The following GREB1 variants were observed in gnomAD, a reference collection of about 807,000 sequenced individuals.
GREB1 encodes the protein protein GREB1.
Under a neutral mutation model 200.7 loss-of-function variants are expected in GREB1, and 106 were observed. The observed-to-expected ratio is 0.53, with a 90% confidence interval of 0.45 to 0.62. The LOEUF is 0.62. GREB1 is among the 20% of genes least tolerant of loss of function. The pLI, the probability that GREB1 is intolerant of heterozygous loss-of-function variation, is 0.00. For synonymous variants in GREB1, 1,132 were observed against 1,092.4 expected (o/e 1.04, Z -0.72); for missense variants, 2,243 against 2,556.8 (o/e 0.88, Z 2.65).
rs1041028460 is a variant in GREB1 at position 11,534,135 on chromosome 2, G to A, written c.-281G>A. On this transcript the variant is annotated 5_prime_UTR_variant, in exon 1 of 33. Transcript: ENST00000381486. ...TAAATGAAATAAAGTTTTTTCAATG[G>A]AAGGCTTGCAGCTCTTGAGGACCTG... 2.0e-5 allele frequency: 3 copies of A among 152,150 alleles called. No individual in the cohort carries two copies. The highest frequency in any genetic ancestry group is 7.2e-5 in the African/African-American group (3 of 41,418). The allele number at this position is 152,150 out of a possible 1,614,324, so 9.4% of individuals were successfully genotyped here.
In GREB1 at chr2:11,632,966, A is replaced by G. The variant is rs1685009760; in HGVS notation, c.4894A>G (p.Ile1632Val). The G allele has an allele frequency of 1.2e-6, 2 of 1,614,186 alleles. No homozygotes were observed. The highest frequency in any genetic ancestry group is 1.7e-6 in the Non-Finnish European group (2 of 1,180,028). The change falls in exon 28 of 33, where the codon ATC (isoleucine) becomes GTC (valine). Residue 1632 changes from isoleucine to valine, a missense_variant. By Grantham distance (29) the Ile-to-Val change is conservative. This residue lies in a region of GREB1 where 478 missense variants were observed against 616.3 expected (regional missense o/e 0.78). Coordinates refer to ENST00000381486, the MANE Select transcript of GREB1 (RefSeq NM_014668.4). The part of the protein sequence containing the change: ...LERNRQEELG[I>V]KPQDIWPFIV... ...GCGGAACCGGCAGGAGGAGCTGGGA[A>G]TCAAGCCGCAGGACATCTGGCCTTT...
At chr2:11,484,749 C>G (rs1672610792) in intron 1 of GREB1, among the ~76,000 whole-genome samples, 1 of 152,230 alleles carries the variant, frequency 6.6e-6, no homozygotes. Context: ...TGCCACTGCA[C>G]TTCACTGCAC....
At chr2:11,533,083 G>T (rs1416502209), upstream of GREB1, among the ~76,000 whole-genome samples, 1 of 152,212 alleles carries the variant, frequency 6.6e-6, no homozygotes, top group African/African-American at 2.4e-5. Context: ...TAATGGGAGA[G>T]AAATGCAAGA....
chr2:11,575,822 G>A (rs1339038854), intron 4 of GREB1, among the ~76,000 whole-genome samples: 1 of 152,192 alleles, frequency 6.6e-6, no homozygotes, highest in Non-Finnish European at 1.5e-5. Flanking sequence ...ATCATTTCAG[G>A]TGCCTGATCT....
At chr2:11,639,783 G>A (rs115631000) in intron 32 of GREB1, among the ~76,000 whole-genome samples, 2,020 of 152,288 alleles carry the variant, frequency 0.013, 40 homozygotes, top group African/African-American at 0.046. Context: ...TGGACACAAA[G>A]GTGGGGAGGG....
In GREB1 at chr2:11,629,361, A is replaced by C. The variant is rs1684706796; in HGVS notation, c.4450-587A>C. On this transcript the variant is annotated intron_variant, in intron 25 of 32. Coordinates refer to ENST00000381486, the MANE Select transcript of GREB1 (RefSeq NM_014668.4). The surrounding 1 kb of genome is among the most constrained non-coding windows in gnomAD (Gnocchi z 5.2). Reference sequence around the variant, plus strand: ...AAGTGGAGGCTGGAGGAGGTGACTAAGGGCGCAGCCAGACTTGGTGACTTG... The same window carrying C: ...AAGTGGAGGCTGGAGGAGGTGACTACGGGCGCAGCCAGACTTGGTGACTTG... 6.6e-6 allele frequency among the ~76,000 whole-genome samples: 1 copy of C among 152,134 alleles called. No individual in the cohort carries two copies. The highest frequency in any genetic ancestry group is 6.5e-5 in the Admixed American group (1 of 15,282).
At position 11,602,463 on chromosome 2, in the gene GREB1, T is replaced by A; in HGVS notation, c.2587T>A (p.Ser863Thr). ...CTTCGGGCTGTCGGAGTTTATTGAA[T>A]CCACCCTTTCAGGACACAGCCTCCC... ...KYFGLSEFIE[S>T]TLSGHSLPLL... Residue 863 changes from serine (S) to threonine (T), a missense_variant, in exon 17 of 33, where the codon TCC (serine) becomes ACC (threonine). Transcript: ENST00000381486. 1 of 1,613,008 alleles carries A rather than the reference T, an allele frequency of 6.2e-7. No homozygotes were observed. The highest frequency in any genetic ancestry group is 8.5e-7 in the Non-Finnish European group (1 of 1,178,938).
intron 1 of GREB1, among the ~76,000 whole-genome samples, chr2:11,527,325 A>G (rs925828344): frequency 6.6e-6 from 1 of 152,240 alleles, no homozygotes; most frequent in Non-Finnish European, 1.5e-5. Flanking sequence ...TTCTCATGGC[A>G]TTAAATTCTC....
chr2:11,628,593 ACT>A (rs1416855418), intron 25 of GREB1, among the ~76,000 whole-genome samples: 1 of 151,972 alleles, frequency 6.6e-6, no homozygotes, highest in Non-Finnish European at 1.5e-5. Context: ...TTCCAGATAA[ACT>A]CTCCTAACAT....
At chr2:11,545,032 C>G (rs1216696948) in intron 1 of GREB1, among the ~76,000 whole-genome samples, 1 of 151,970 alleles carries the variant, frequency 6.6e-6, no homozygotes, top group Non-Finnish European at 1.5e-5. Context: ...CCAGGCTGGT[C>G]TCGAACTCCT....
intron 1 of GREB1, among the ~76,000 whole-genome samples, chr2:11,523,170 C>G (rs1450514976): frequency 6.6e-6 from 1 of 152,058 alleles, no homozygotes; most frequent in African/African-American, 2.4e-5. Flanking sequence ...TAAATGGGAG[C>G]TAAATGATGA....
At chr2:11,560,315 G>C (rs1676877784) in intron 2 of GREB1, among the ~76,000 whole-genome samples, 1 of 152,186 alleles carries the variant, frequency 6.6e-6, no homozygotes, top group South Asian at 2.1e-4. Flanking sequence ...AGGTTGCTTA[G>C]CCCTCTGGAT....
At chr2:11,561,477 C>T (rs971854081) in intron 2 of GREB1, among the ~76,000 whole-genome samples, 1 of 151,824 alleles carries the variant, frequency 6.6e-6, no homozygotes, top group African/African-American at 2.4e-5. Flanking sequence ...AATTCTCCTG[C>T]CTCAGCCTCC....
chr2:11,579,176 C>T (rs1327127228), intron 6 of GREB1, among the ~76,000 whole-genome samples: 7 of 152,208 alleles, frequency 4.6e-5, no homozygotes, highest in African/African-American at 1.2e-4. Flanking sequence ...CTGGCCCATC[C>T]ATCGCCTGGG....
At chr2:11,588,636 GGC>G (rs927595936) in intron 9 of GREB1, 108 bp from the exon 10 acceptor site, 1 of 990,636 alleles carries the variant, frequency 1.0e-6, no homozygotes. Flanking sequence ...CGAGGGACCT[GGC>G]GCAGCTCACC....
intron 23 of GREB1, among the ~76,000 whole-genome samples, chr2:11,621,462 C>T (rs1227244986): frequency 1.3e-5 from 2 of 152,174 alleles, no homozygotes; most frequent in African/African-American, 2.4e-5. Flanking sequence ...AGGTCAGTGT[C>T]TTGGGGCAAA....
chr2:11,553,865 C>T (rs1676174670), intron 1 of GREB1, among the ~76,000 whole-genome samples: 1 of 152,080 alleles, frequency 6.6e-6, no homozygotes, highest in South Asian at 2.1e-4. Flanking sequence ...TCTGGATGCC[C>T]CGATGTGTTC....
At chr2:11,601,328 T>C (rs1681762341) in intron 16 of GREB1, among the ~76,000 whole-genome samples, 1 of 152,202 alleles carries the variant, frequency 6.6e-6, no homozygotes, top group Admixed American at 6.5e-5. Context: ...CGCTGGGGGC[T>C]TTGGGCTCCA....
chr2:11,575,804 C>T (rs1360270109), intron 4 of GREB1, among the ~76,000 whole-genome samples: 1 of 152,176 alleles, frequency 6.6e-6, no homozygotes, highest in African/African-American at 2.4e-5. Context: ...GAAATAAGAG[C>T]CTGTCGCATC....
Sources: allele counts gnomAD v4.1 joint callset (sites outside exome capture counted in the v4.1 genomes callset), GRCh38; gene constraint gnomAD v4.1.1; regional missense constraint gnomAD v4.1.1; non-coding constraint Gnocchi (gnomAD v3.1); transcripts MANE v1.5; gene names NCBI Gene and HGNC (gene_info 2026-07-23, HGNC 2026-07-21).